The following CNTN4 variants were observed in gnomAD, a reference collection of about 807,000 sequenced individuals.
CNTN4 encodes contactin 4, also known as contactin-4.
A neutral mutation model predicts 122.5 loss-of-function variants in CNTN4; 77 were observed. The observed-to-expected ratio is 0.63, with a 90% CI of 0.52 to 0.76. The LOEUF (loss-of-function observed/expected upper bound fraction) is 0.76. CNTN4 is among the 30% of genes least tolerant of loss of function. CNTN4 has a pLI of 0.00. For missense variants in CNTN4, 1,256 were observed against 1,259.1 expected (o/e 1.00, Z 0.04); for synonymous variants, 512 against 447.0 (o/e 1.15, Z -1.83).
chr3:2,882,142 C>T (rs899175521), intron 8 of CNTN4, among the ~76,000 whole-genome samples: 2 of 152,134 alleles, frequency 1.3e-5, no homozygotes, highest in Admixed American at 1.3e-4. Flanking sequence ...GCAGGTGGAT[C>T]ACTTGAGGCC....
At chr3:2,784,138 C>A (rs75591883) in intron 6 of CNTN4, among the ~76,000 whole-genome samples, 2,904 of 152,086 alleles carry the variant, frequency 0.019, 44 homozygotes, top group Non-Finnish European at 0.027. Context: ...AGCAACCAGC[C>A]TTTTTTACTA....
chr3:2,327,940 C>G (rs1035977553), intron 2 of CNTN4, among the ~76,000 whole-genome samples: 7 of 152,342 alleles, frequency 4.6e-5, no homozygotes, highest in African/African-American at 1.7e-4. Context: ...CCCTTCCCCA[C>G]TGAAGTAGGT....
At chr3:2,610,270 C>T (rs190126949) in intron 4 of CNTN4, among the ~76,000 whole-genome samples, 1 of 152,260 alleles carries the variant, frequency 6.6e-6, no homozygotes, top group Admixed American at 6.5e-5. Context: ...AGAAAAAACT[C>T]AAAATGTGTA....
chr3:2,235,905 C>G (rs1426194163), intron 2 of CNTN4, among the ~76,000 whole-genome samples: 1 of 152,028 alleles, frequency 6.6e-6, no homozygotes, highest in African/African-American at 2.4e-5. Flanking sequence ...TGCTTCAGTA[C>G]ACATACAATG....
intron 3 of CNTN4, among the ~76,000 whole-genome samples, chr3:2,387,353 A>C (rs946252534): frequency 1.4e-4 from 22 of 151,974 alleles, no homozygotes; most frequent in African/African-American, 5.3e-4. Context: ...TTCTTAAGGC[A>C]AATCTTTATT....
In CNTN4 at chr3:2,867,020, G is replaced by C. The variant is rs148903705; in HGVS notation, c.652+71G>C. The C allele has an allele frequency of 1.2e-4, 152 of 1,313,884 alleles. No homozygotes were observed. In the African/African-American group the frequency reaches 1.8e-3, roughly 16 times the overall value. The allele number at this position is 1,313,884 out of a possible 1,614,324, so 81.4% of individuals were successfully genotyped here. On this transcript the variant is annotated intron_variant, in intron 8 of 24. Transcript: ENST00000418658. ...GATGAATGTGGAGGTATGTTATGTT[G>C]TTGGCACATGAAGCTTTGTTGTCTA...
intron 2 of CNTN4, among the ~76,000 whole-genome samples, chr3:2,111,995 A>G (rs932548629): frequency 3.9e-5 from 6 of 152,100 alleles, no homozygotes; most frequent in Non-Finnish European, 5.9e-5. Context: ...AGACAATGCA[A>G]TCCTCTCTGT....
At chr3:2,834,587 C>G (rs2093174853) in intron 7 of CNTN4, among the ~76,000 whole-genome samples, 1 of 151,840 alleles carries the variant, frequency 6.6e-6, no homozygotes, top group Admixed American at 6.6e-5. Context: ...CAAACTACAG[C>G]AACAACAAAG....
intron 13 of CNTN4, among the ~76,000 whole-genome samples, chr3:2,954,345 T>C (rs576336154): frequency 6.6e-6 from 1 of 152,318 alleles, no homozygotes; most frequent in East Asian, 1.9e-4. Context: ...CCAGTGCCCA[T>C]TGGGAACTTG....
chr3:2,409,880 A>G (rs536151525), intron 3 of CNTN4, among the ~76,000 whole-genome samples: 2 of 152,236 alleles, frequency 1.3e-5, no homozygotes, highest in South Asian at 4.1e-4. Flanking sequence ...ACTGAAACAG[A>G]CAGATACAGT....
At position 2,835,053 on chromosome 3, in the gene CNTN4, C is replaced by T. The variant is rs369628886; in HGVS notation, c.454+15472C>T. Among the ~76,000 whole-genome samples the T allele has an allele frequency of 4.1e-3, 628 of 151,672 alleles. 6 individuals carry two copies. The highest frequency in any genetic ancestry group is 0.014 in the African/African-American group (586 of 41,334). ...CCCAGTAGCTGGGACTACAGGCGCCCGCCACCACGCCCGGCTCATTTTTTT... is the reference window on the plus strand; with the variant it reads ...CCCAGTAGCTGGGACTACAGGCGCCTGCCACCACGCCCGGCTCATTTTTTT... On this transcript the variant is annotated intron_variant, in intron 7 of 24. Transcript: ENST00000418658.
chr3:2,605,704 G>C (rs2081228066), intron 4 of CNTN4, among the ~76,000 whole-genome samples: 1 of 152,090 alleles, frequency 6.6e-6, no homozygotes, highest in South Asian at 2.1e-4. Context: ...TTGAATGAGA[G>C]ATATGAGTTT....
chr3:2,803,355 G>A (rs1331265927), intron 6 of CNTN4, among the ~76,000 whole-genome samples: 1 of 152,152 alleles, frequency 6.6e-6, no homozygotes, highest in Admixed American at 6.5e-5. Flanking sequence ...AAAACAGATT[G>A]TGTAAATATC....
At chr3:2,326,995 G>A (rs1348344726) in intron 2 of CNTN4, among the ~76,000 whole-genome samples, 1 of 152,130 alleles carries the variant, frequency 6.6e-6, no homozygotes, top group African/African-American at 2.4e-5. Context: ...CTACAAAGAT[G>A]TAGGTAGGAA....
chr3:3,048,017 A>T (rs1700851215), intron 23 of CNTN4, among the ~76,000 whole-genome samples: 1 of 152,180 alleles, frequency 6.6e-6, no homozygotes, highest in Non-Finnish European at 1.5e-5. Flanking sequence ...AGTTCTTCTT[A>T]ATTTCCAGCT....
intron 3 of CNTN4, among the ~76,000 whole-genome samples, chr3:2,555,811 T>G (rs2078697228): frequency 6.6e-6 from 1 of 152,158 alleles, no homozygotes; most frequent in Non-Finnish European, 1.5e-5. Context: ...AGTTGGAGGC[T>G]TGATCAGAGT....
intron 3 of CNTN4, among the ~76,000 whole-genome samples, chr3:2,397,771 T>C (rs989380580): frequency 9.2e-5 from 14 of 152,200 alleles, no homozygotes; most frequent in Admixed American, 7.9e-4. Flanking sequence ...TTCTAAGAGA[T>C]TATTTAGAAA....
chr3:2,834,450 C>T (rs1483508227), intron 7 of CNTN4, among the ~76,000 whole-genome samples: 1 of 152,030 alleles, frequency 6.6e-6, no homozygotes, highest in African/African-American at 2.4e-5. Flanking sequence ...TTTGTAATCC[C>T]AGCTACTTGG....
intron 3 of CNTN4, among the ~76,000 whole-genome samples, chr3:2,551,140 C>T (rs1041671979): frequency 6.6e-6 from 1 of 152,004 alleles, no homozygotes; most frequent in Non-Finnish European, 1.5e-5. Flanking sequence ...CAGAATCTGT[C>T]AGCTCCCTTT....
Sources: gnomAD v4.1 joint callset for allele counts (sites outside exome capture counted in the v4.1 genomes callset) on GRCh38, gnomAD v4.1.1 for gene constraint, MANE v1.5 for transcripts, NCBI Gene and HGNC (gene_info 2026-07-23, HGNC 2026-07-21) for gene names.